The following PDLIM7 variants were observed in gnomAD, a reference collection of about 807,000 sequenced individuals.
The protein encoded by PDLIM7 is PDZ and LIM domain protein 7.
A neutral mutation model predicts 53.9 loss-of-function variants in PDLIM7; 37 were observed. That is an observed-to-expected ratio of 0.69 (90% CI 0.53 to 0.90). PDLIM7 has a LOEUF of 0.90. Among genes scored for constraint, PDLIM7 ranks in the 40% least tolerant of loss-of-function variants. The pLI is 0.00. For missense variants in PDLIM7, 617 were observed against 638.5 expected (o/e 0.97, Z 0.36); for synonymous variants, 300 against 261.3 (o/e 1.15, Z -1.43).
chr5:177,497,441 C>T (rs1280324871), intron 1 of PDLIM7, 87 bp downstream of exon 1: 1 of 152,212 alleles, frequency 6.6e-6, no homozygotes, highest in Non-Finnish European at 1.5e-5. Flanking sequence ...CAGCCTGGAC[C>T]ACGACCCCCA....
intron 10 of PDLIM7, among the ~76,000 whole-genome samples, chr5:177,485,709 G>C (rs757934681): frequency 6.6e-6 from 1 of 152,222 alleles, no homozygotes; most frequent in Non-Finnish European, 1.5e-5. Context: ...AATCTGCTGG[G>C]CGCAGTGGCT....
chr5:177,490,022 C>T lies in PDLIM7; in HGVS notation c.573-190G>A, dbSNP rs561252243. 1.1e-3 allele frequency: 1,709 copies of T among 1,533,786 alleles called. 3 individuals carry two copies. Among genetic ancestry groups the T allele is most frequent in the Middle Eastern group, 2.0e-3 (12 of 5,986 alleles). On this transcript the variant is annotated intron_variant, in intron 7 of 12. Transcript: ENST00000355841. ...TAGCAATGTCCAGTTAGCTGGTGTGCGGTCTCTAGCTGGGAGACGAGGCAG... is the reference window on the plus strand; with the variant it reads ...TAGCAATGTCCAGTTAGCTGGTGTGTGGTCTCTAGCTGGGAGACGAGGCAG...
rs370965318 is a variant in PDLIM7, at chr5:177,483,621, C to A, written c.*23G>T. On this transcript the variant is annotated 3_prime_UTR_variant, in exon 13 of 13. Transcript: ENST00000355841. ...AGGCCCCTCAGGCTAGGGGCCACCG[C>A]GGCAGCTGTGGGCAGAAGGGGCTCA... is the stretch of plus-strand genomic sequence containing the variant. The A allele has an allele frequency of 6.4e-7, 1 of 1,568,456 alleles. No individual in the cohort carries two copies. Among genetic ancestry groups the A allele is most frequent in the Non-Finnish European group, 8.8e-7 (1 of 1,140,866 alleles).
chr5:177,483,524 CAG>C lies in PDLIM7; in HGVS notation c.*118_*119del. 1 of 696,410 alleles carries C rather than the reference CAG, an allele frequency of 1.4e-6. No homozygotes were observed. Among genetic ancestry groups the C allele is most frequent in the Non-Finnish European group, 2.4e-6 (1 of 409,954 alleles). 43.1% of individuals were successfully genotyped at this position (696,410 alleles called of 1,614,324 possible). A position where few individuals can be genotyped will look rare whatever the true frequency, so the allele number is the denominator to read the frequency against. ...GGGTGGGGCAGGGCCCAGGGAGCCC[CAG>C]GCTCGGGCCAGGAGCCAGGGTTAAG... On this transcript the variant is annotated 3_prime_UTR_variant, in exon 13 of 13. Coordinates refer to ENST00000355841, the MANE Select transcript of PDLIM7 (RefSeq NM_005451.5).
chr5:177,492,908 C>T (rs1261293252), intron 2 of PDLIM7: 11 of 557,852 alleles, frequency 2.0e-5, no homozygotes, highest in Non-Finnish European at 3.5e-5. Flanking sequence ...ACTGCCAGAC[C>T]CTCTCCCTCA....
intron 1 of PDLIM7, chr5:177,496,751 C>A: frequency 2.9e-6 from 1 of 339,362 alleles, no homozygotes; most frequent in Non-Finnish European, 5.4e-6. Flanking sequence ...GGGACTGGAA[C>A]GGTGAGGGGT....
Position 177,483,621 on chromosome 5 carries a change from C to T in PDLIM7, c.*23G>A, listed in dbSNP as rs370965318. On this transcript the variant is annotated 3_prime_UTR_variant, in exon 13 of 13. Coordinates refer to ENST00000355841, the MANE Select transcript of PDLIM7 (RefSeq NM_005451.5). ...AGGCCCCTCAGGCTAGGGGCCACCG[C>T]GGCAGCTGTGGGCAGAAGGGGCTCA... The T allele has an allele frequency of 2.2e-5, 34 of 1,568,336 alleles. No individual in the cohort carries two copies. In the East Asian group the frequency reaches 2.7e-4, roughly 13 times the overall value.
chr5:177,486,747 T>A (rs1758470494), intron 10 of PDLIM7, among the ~76,000 whole-genome samples: 1 of 151,996 alleles, frequency 6.6e-6, no homozygotes, highest in Non-Finnish European at 1.5e-5. Context: ...CACGCCATTC[T>A]CCTGCCTCAG....
At chr5:177,496,562 G>C in intron 1 of PDLIM7, 39 bp from the exon 2 acceptor site, 2 of 1,432,520 alleles carry the variant, frequency 1.4e-6, no homozygotes, top group Non-Finnish European at 1.9e-6. Flanking sequence ...CCAGCATGGT[G>C]GGCGGGCAGG....
At chr5:177,488,719 C>T (rs1200703673) in intron 9 of PDLIM7, among the ~76,000 whole-genome samples, 1 of 152,128 alleles carries the variant, frequency 6.6e-6, no homozygotes, top group African/African-American at 2.4e-5. Context: ...GGTAAAACCC[C>T]GTCTCTACTA....
chr5:177,489,035 C>G (rs1404260660), intron 9 of PDLIM7, among the ~76,000 whole-genome samples: 1 of 152,168 alleles, frequency 6.6e-6, no homozygotes, highest in Admixed American at 6.5e-5. Flanking sequence ...TGGCTCCAGG[C>G]CTGTATGCTC....
intron 10 of PDLIM7, among the ~76,000 whole-genome samples, chr5:177,486,012 G>A (rs536404788): frequency 2.0e-4 from 31 of 152,062 alleles, no homozygotes; most frequent in African/African-American, 7.0e-4. Flanking sequence ...AAAAGCAGGA[G>A]ATCTCACTTT....
chr5:177,483,892 C>T lies in PDLIM7; in HGVS notation c.1262G>A (p.Trp421Ter), dbSNP rs1758306486. ...DRFLEALGFS[W>*]HDTCFVCAIC... is the part of the protein sequence containing the mutation. ...CGCACAGACGAAGCAGGTGTCATGCCAGCTGAAGCCCAGGGCCTCCAGGAA... is the reference window on the plus strand; with the variant it reads ...CGCACAGACGAAGCAGGTGTCATGCTAGCTGAAGCCCAGGGCCTCCAGGAA... Residue 421 changes from tryptophan (W) to a stop codon, truncating the protein, a stop_gained, in exon 12 of 13, where the codon TGG (tryptophan) becomes TAG (stop). Coordinates refer to ENST00000355841, the MANE Select transcript of PDLIM7 (RefSeq NM_005451.5). LOFTEE classifies it high-confidence loss of function. The T allele has an allele frequency of 1.2e-6, 2 of 1,613,736 alleles. No homozygotes were observed. Among genetic ancestry groups the T allele is most frequent in the Non-Finnish European group, 1.7e-6 (2 of 1,179,950 alleles).
chr5:177,487,546 C>G (rs1029692653), intron 10 of PDLIM7, among the ~76,000 whole-genome samples: 6 of 152,250 alleles, frequency 3.9e-5, no homozygotes, highest in Non-Finnish European at 8.8e-5. Context: ...CAAGGCGGAG[C>G]CTGGGTCCAC....
chr5:177,492,182 GCAGGCGGACAGACAGGCGGACAGA>G, intron 4 of PDLIM7, 199 bp downstream of exon 4: 2 of 636,872 alleles, frequency 3.1e-6, no homozygotes, highest in Non-Finnish European at 5.4e-6. Flanking sequence ...GCGGGAGGCA[GCAGGCGGACAGACAGGCGGACAGA>G]CAGGCGGACA....
intron 2 of PDLIM7, chr5:177,494,897 G>C (rs1051149124): frequency 6.6e-6 from 1 of 152,256 alleles, no homozygotes; most frequent in Admixed American, 6.5e-5. Context: ...GTCAGGGGAG[G>C]GGGAGGGGGC....
intron 10 of PDLIM7, among the ~76,000 whole-genome samples, chr5:177,486,045 G>A (rs1758419555): frequency 6.6e-6 from 1 of 151,956 alleles, no homozygotes; most frequent in African/African-American, 2.4e-5. Context: ...CAAGTAGCTG[G>A]GACCACAGGT....
chr5:177,483,918 G>A lies in PDLIM7; in HGVS notation c.1236C>T (p.Arg412=), dbSNP rs1470302665. The A allele has an allele frequency of 1.2e-6, 2 of 1,613,746 alleles. No homozygotes were observed. Among genetic ancestry groups the A allele is most frequent in the Admixed American group, 3.3e-5 (2 of 60,000 alleles). The part of the protein sequence containing the change: ...GCDFKIDAGD[R]FLEALGFSWH... ...AGCTGAAGCCCAGGGCCTCCAGGAA[G>A]CGGTCCCCAGCGTCGATCTTGAAGT... Residue 412 remains arginine (R), a synonymous_variant, in exon 12 of 13, where the codon CGC becomes CGT. Transcript: ENST00000355841.
intron 1 of PDLIM7, among the ~76,000 whole-genome samples, chr5:177,497,044 G>A (rs957198691): frequency 7.1e-6 from 1 of 140,856 alleles, no homozygotes; most frequent in Non-Finnish European, 1.6e-5. Flanking sequence ...GGGGAGGGGA[G>A]GGAGGCGGCT....
Sources: gnomAD v4.1 joint callset for allele counts (sites outside exome capture counted in the v4.1 genomes callset) on GRCh38, gnomAD v4.1.1 for gene constraint, MANE v1.5 for transcripts, NCBI Gene and HGNC (gene_info 2026-07-23, HGNC 2026-07-21) for gene names.